Variants in ERC1 observed in about 807,000 individuals in gnomAD.
ERC1 encodes the protein ELKS/RAB6-interacting/CAST family member 1.
In ERC1, 56 loss-of-function variants were observed where a neutral mutation model predicts 132.0. That is an observed-to-expected ratio of 0.42 (90% CI 0.34 to 0.53). ERC1 has a LOEUF of 0.53. Among genes scored for constraint, ERC1 ranks in the 20% least tolerant of loss-of-function variants. ERC1 has a pLI of 0.03. For synonymous variants in ERC1, 478 were observed against 476.1 expected (o/e 1.00, Z -0.05); for missense variants, 1,202 against 1,349.9 (o/e 0.89, Z 1.72).
chr12:1,302,620 G>A (rs1328717209), intron 15 of ERC1, among the ~76,000 whole-genome samples: 1 of 152,208 alleles, frequency 6.6e-6, no homozygotes, highest in East Asian at 1.9e-4. Flanking sequence ...GAAATAAAGT[G>A]CATATTGTAA....
chr12:1,053,359 CAGG>C (rs1461835003), intron 2 of ERC1, among the ~76,000 whole-genome samples: 1 of 152,172 alleles, frequency 6.6e-6, no homozygotes, highest in Non-Finnish European at 1.5e-5. Context: ...GTGCTTCATT[CAGG>C]AGGAGATCAC....
At chr12:1,021,216 C>A (rs531768216) in intron 1 of ERC1, among the ~76,000 whole-genome samples, 80 of 152,120 alleles carry the variant, frequency 5.3e-4, no homozygotes, top group South Asian at 3.1e-3. Context: ...GCTGGGGTTA[C>A]AGGCATGAGC....
At chr12:1,136,514 C>T (rs1057387510) in intron 7 of ERC1, among the ~76,000 whole-genome samples, 2 of 152,196 alleles carry the variant, frequency 1.3e-5, no homozygotes, top group Non-Finnish European at 2.9e-5. Context: ...CAGCAGAAGA[C>T]AGGAAATATC....
At chr12:1,243,146 C>G (rs1318354980) in intron 13 of ERC1, among the ~76,000 whole-genome samples, 2 of 137,328 alleles carry the variant, frequency 1.5e-5, no homozygotes, top group Non-Finnish European at 3.3e-5. Context: ...GAGATTGCGC[C>G]ACTGCAGTCC....
chr12:1,474,302 C>A (rs557612826), intron 18 of ERC1, among the ~76,000 whole-genome samples: 1 of 152,186 alleles, frequency 6.6e-6, no homozygotes, highest in Admixed American at 6.5e-5. Context: ...TGCCCTCCAC[C>A]AAACCATCTG....
At chr12:1,182,259 T>C (rs570905128) in intron 10 of ERC1, among the ~76,000 whole-genome samples, 194 bp downstream of exon 10, 5 of 152,350 alleles carry the variant, frequency 3.3e-5, no homozygotes, top group African/African-American at 9.6e-5. Flanking sequence ...GTTCATTCAT[T>C]TTCTAAGTAT....
intron 8 of ERC1, among the ~76,000 whole-genome samples, chr12:1,145,071 A>G (rs1392858245): frequency 6.6e-6 from 1 of 151,260 alleles, no homozygotes; most frequent in Non-Finnish European, 1.5e-5. Context: ...GGCTGGAGTG[A>G]AGTGGTGCAA....
At chr12:1,420,613 G>A (rs777537462) in intron 17 of ERC1, among the ~76,000 whole-genome samples, 4 of 151,944 alleles carry the variant, frequency 2.6e-5, no homozygotes, top group East Asian at 1.9e-4. Flanking sequence ...CTGCCACCAC[G>A]CCTGGCTGAT....
intron 15 of ERC1, among the ~76,000 whole-genome samples, chr12:1,331,957 G>C (rs180719485): frequency 4.6e-5 from 7 of 152,232 alleles, no homozygotes; most frequent in African/African-American, 1.7e-4. Flanking sequence ...TGAATCTGAA[G>C]ACTCCTGGAT....
intron 1 of ERC1, among the ~76,000 whole-genome samples, chr12:1,017,493 G>A (rs982168305): frequency 6.9e-6 from 1 of 144,160 alleles, no homozygotes; most frequent in Non-Finnish European, 1.5e-5. Context: ...TGTTGTTCTG[G>A]TATTTTTTTT....
At chr12:1,041,848 G>A (rs987442721) in intron 2 of ERC1, among the ~76,000 whole-genome samples, 1 of 152,174 alleles carries the variant, frequency 6.6e-6, no homozygotes, top group African/African-American at 2.4e-5. Flanking sequence ...CTTTGGGTGG[G>A]CTGTCTTAAG....
chr12:1,092,957 A>G (rs768012266), intron 3 of ERC1, among the ~76,000 whole-genome samples: 32 of 152,178 alleles, frequency 2.1e-4, no homozygotes, highest in Non-Finnish European at 4.0e-4. Context: ...CTCTGCCTCA[A>G]AAACAAACAA....
intron 16 of ERC1, among the ~76,000 whole-genome samples, chr12:1,404,093 TA>T (rs1330059905): frequency 1.3e-5 from 2 of 152,216 alleles, no homozygotes; most frequent in African/African-American, 4.8e-5. Flanking sequence ...TCAGACTGAG[TA>T]ATTTATAAAC....
At position 1,473,391 on chromosome 12, in the gene ERC1, T is replaced by C. The variant is rs148630010; in HGVS notation, c.3214-16702T>C. ...GTTATGGGAGAGCAGTAACATCTTA[T>C]TTACTTTTGGTCTAAGCAACAGCCT... On this transcript the variant is annotated intron_variant, in intron 18 of 18. Coordinates refer to ENST00000360905, the MANE Select transcript of ERC1 (RefSeq NM_178040.4). Among the ~76,000 whole-genome samples the C allele has an allele frequency of 4.9e-3, 743 of 152,246 alleles. 4 individuals carry two copies. The highest frequency in any genetic ancestry group is 0.017 in the African/African-American group (698 of 41,542).
chr12:1,232,965 C>A (rs2075154885), intron 12 of ERC1, among the ~76,000 whole-genome samples: 1 of 151,670 alleles, frequency 6.6e-6, no homozygotes, highest in Non-Finnish European at 1.5e-5. Context: ...GATAGAATAC[C>A]CATATAGGGG....
rs201544131 is a variant in ERC1, at chr12:1,082,031, T to C, written c.670-1133T>C. 1.3e-3 allele frequency among the ~76,000 whole-genome samples: 44 copies of C among 34,998 alleles called. No homozygotes were observed. In the East Asian group the frequency reaches 0.053, roughly 42 times the overall value. 23.0% of individuals were successfully genotyped at this position (34,998 alleles called of 152,430 possible). A position where few individuals can be genotyped will look rare whatever the true frequency, so the allele number is the denominator to read the frequency against. ...TTTCGCTGTCCTTCGGTTTTGCTTG[T>C]TTGTTTGTTTGTTTTGACACGGAGC... is the stretch of plus-strand genomic sequence containing the variant. On this transcript the variant is annotated intron_variant, in intron 2 of 18. Transcript: ENST00000360905.
Position 1,180,644 on chromosome 12 carries a change from C to T in ERC1, c.1842C>T (p.Ala614=). ...LQADTTNTDT[A]LTTLEEALAE... ...CTGACACCACCAACACTGACACTGC[C>T]TTGACAACTTTGGAGGAGGCCCTTG... is the stretch of plus-strand genomic sequence containing the variant. The change falls in exon 9 of 19, where the codon GCC becomes GCT. Residue 614 remains alanine, a synonymous_variant. Transcript: ENST00000360905. 1 of 1,613,988 alleles carries T rather than the reference C, an allele frequency of 6.2e-7. No homozygotes were observed. The highest frequency in any genetic ancestry group is 8.5e-7 in the Non-Finnish European group (1 of 1,180,028).
chr12:1,453,193 T>TC (rs2093461875), intron 18 of ERC1, among the ~76,000 whole-genome samples: 1 of 151,994 alleles, frequency 6.6e-6, no homozygotes, highest in African/African-American at 2.4e-5. Context: ...AGACAACATC[T>TC]CCCCCCTACT....
At chr12:1,387,688 C>A (rs2089522045) in intron 16 of ERC1, among the ~76,000 whole-genome samples, 1 of 152,174 alleles carries the variant, frequency 6.6e-6, no homozygotes, top group Non-Finnish European at 1.5e-5. Context: ...CCAAAAGAGG[C>A]AAGGAAGGAT....
Sources: allele counts gnomAD v4.1 joint callset (sites outside exome capture counted in the v4.1 genomes callset), GRCh38; gene constraint gnomAD v4.1.1; transcripts MANE v1.5; gene names NCBI Gene and HGNC (gene_info 2026-07-23, HGNC 2026-07-21).